TOP1: variants seen among roughly 807,000 people sequenced by gnomAD.
The protein encoded by TOP1 is DNA topoisomerase I, also known as DNA topoisomerase 1.
TOP1 carries 10 observed loss-of-function variants against 111.1 expected under a neutral mutation model. The ratio of observed to expected loss-of-function variants is 0.09; its 90% CI spans 0.06 to 0.15. The LOEUF (loss-of-function observed/expected upper bound fraction) is 0.15, where lower values mean the gene tolerates loss of function less well. Among genes scored for constraint, TOP1 ranks in the 10% least tolerant of loss-of-function variants. The probability of loss-of-function intolerance (pLI) is 1.00; values close to 1 mark genes in which losing one functional copy is unlikely to be tolerated. For synonymous variants in TOP1, 271 were observed against 302.9 expected (o/e 0.89, Z 1.10); for missense variants, 474 against 926.7 (o/e 0.51, Z 6.34).
rs1324859295 is a variant in TOP1, at chr20:41,101,663, G to T, written c.1308+310G>T. Among the ~76,000 whole-genome samples the T allele has an allele frequency of 6.6e-6, 1 of 152,230 alleles. No homozygotes were observed. ...TAGACGTAGGCCCTGCCTTCATATT[G>T]CTTAACGTCCAGTGGTCAGAATGTG... On this transcript the variant is annotated intron_variant, in intron 13 of 20. Transcript: ENST00000361337. The surrounding 1 kb of genome is among the most constrained non-coding windows in gnomAD (Gnocchi z 4.1).
chr20:41,074,505 A>C (rs2033702974), intron 3 of TOP1, among the ~76,000 whole-genome samples: 1 of 151,174 alleles, frequency 6.6e-6, no homozygotes, highest in East Asian at 2.0e-4. Context: ...TTTTTTCTCC[A>C]TCTATTTCAA....
intron 13 of TOP1, among the ~76,000 whole-genome samples, chr20:41,103,128 A>G (rs73909147): frequency 0.021 from 3,226 of 152,312 alleles, 106 homozygotes; most frequent in African/African-American, 0.073. Context: ...AATGGTATCA[A>G]TGCATATTTT....
At chr20:41,076,132 C>G (rs936584013) in intron 3 of TOP1, 39 bp from the exon 4 acceptor site, 20 of 1,582,734 alleles carry the variant, frequency 1.3e-5, no homozygotes, top group Non-Finnish European at 1.5e-5. Context: ...CTTGTGGTCC[C>G]TACTCTGGGC....
chr20:41,036,635 T>TA (rs2033188939), intron 2 of TOP1, among the ~76,000 whole-genome samples: 1 of 152,060 alleles, frequency 6.6e-6, no homozygotes. Flanking sequence ...TATTCCCTGT[T>TA]AAAGTTTTAA....
rs1026390655 is a variant in TOP1, at chr20:41,034,539, G to C, written c.58+5084G>C. 1.3e-5 allele frequency among the ~76,000 whole-genome samples: 2 copies of C among 152,200 alleles called. No homozygotes were observed. Among genetic ancestry groups the C allele is most frequent in the Non-Finnish European group, 2.9e-5 (2 of 68,032 alleles). On this transcript the variant is annotated intron_variant, in intron 2 of 20. Transcript: ENST00000361337. The surrounding 1 kb of genome is among the most constrained non-coding windows in gnomAD (Gnocchi z 4.0). ...GGACAAAGTTTGATTGGGGGTTGCGGGGAAGCTTGTAGAGGAATGTCTGTT... is the reference window on the plus strand; with the variant it reads ...GGACAAAGTTTGATTGGGGGTTGCGCGGAAGCTTGTAGAGGAATGTCTGTT...
At chr20:41,077,079 TTTTG>T (rs914368981) in intron 4 of TOP1, among the ~76,000 whole-genome samples, 6 of 152,076 alleles carry the variant, frequency 3.9e-5, no homozygotes, top group African/African-American at 9.7e-5. Flanking sequence ...TAGACTACTT[TTTTG>T]TTTGTTTGTT....
In TOP1 at chr20:41,121,543, T is replaced by TC. The variant is rs1402689993; in HGVS notation, c.1951-152dup. On this transcript the variant is annotated intron_variant, in intron 18 of 20. Transcript: ENST00000361337. The surrounding 1 kb of genome is among the most constrained non-coding windows in gnomAD (Gnocchi z 4.2). ...TGAATTCACTAGTCCTTGTGCATCTTCTCCCTGCCTTCATGAAGCCACCCT... is the reference window on the plus strand; with the variant it reads ...TGAATTCACTAGTCCTTGTGCATCTTCCTCCCTGCCTTCATGAAGCCACCCT... 3.3e-5 allele frequency among the ~76,000 whole-genome samples: 5 copies of TC among 152,036 alleles called. No individual in the cohort carries two copies. Among genetic ancestry groups the TC allele is most frequent in the Non-Finnish European group, 7.4e-5 (5 of 68,016 alleles).
intron 8 of TOP1, among the ~76,000 whole-genome samples, chr20:41,088,815 A>G (rs1397430753): frequency 6.6e-6 from 1 of 152,136 alleles, no homozygotes; most frequent in African/African-American, 2.4e-5. Context: ...TTTGAGGTCT[A>G]AGATTCTGTT....
chr20:41,074,367 T>A (rs978279275), intron 3 of TOP1, among the ~76,000 whole-genome samples: 6 of 152,160 alleles, frequency 3.9e-5, no homozygotes, highest in African/African-American at 1.4e-4. Context: ...TTCTCATGAG[T>A]TAAAAAGAAT....
Position 41,071,940 on chromosome 20 carries a change from A to T in TOP1, c.156-4231A>T, listed in dbSNP as rs2033673755. On this transcript the variant is annotated intron_variant, in intron 3 of 20. Coordinates refer to ENST00000361337, the MANE Select transcript of TOP1 (RefSeq NM_003286.4). This position sits in a 1 kb window ranked among gnomAD's most constrained non-coding sequence, Gnocchi z 4.3. ...CCATTGCAGAAGTTCTAGGACTGCT[A>T]CTGTCTGTATTTTTGTCCTTCAGCA... Among the ~76,000 whole-genome samples, 1 of 152,200 alleles carries T rather than the reference A, an allele frequency of 6.6e-6. No individual in the cohort carries two copies. Among genetic ancestry groups the T allele is most frequent in the Admixed American group, 6.5e-5 (1 of 15,288 alleles).
chr20:41,070,331 A>G (rs2033655817), intron 3 of TOP1, among the ~76,000 whole-genome samples: 2 of 152,326 alleles, frequency 1.3e-5, no homozygotes, highest in South Asian at 4.1e-4. Flanking sequence ...ACAAAGGATT[A>G]AATAATTTCT....
In TOP1 at chr20:41,097,320, T is replaced by C. The variant is rs568500077; in HGVS notation, c.831T>C (p.Asn277=). Residue 277 remains asparagine, a synonymous_variant, in exon 10 of 21, where the codon AAT becomes AAC. Coordinates refer to ENST00000361337, the MANE Select transcript of TOP1 (RefSeq NM_003286.4). The surrounding 1 kb of genome is among the most constrained non-coding windows in gnomAD (Gnocchi z 4.2). ...EYTTKEIFRK[N]FFKDWRKEMT... ...CTACCAAGGAAATATTTAGGAAAAA[T>C]TTCTTTAAAGACTGGAGAAAGGTAC... 6.2e-7 allele frequency: 1 copy of C among 1,613,746 alleles called. No homozygotes were observed. Among genetic ancestry groups the C allele is most frequent in the South Asian group, 1.1e-5 (1 of 91,034 alleles).
rs2033129094 is a variant in TOP1 at position 41,032,212 on chromosome 20, C to A, written c.58+2757C>A. 6.6e-6 allele frequency among the ~76,000 whole-genome samples: 1 copy of A among 152,122 alleles called. No homozygotes were observed. Among genetic ancestry groups the A allele is most frequent in the Non-Finnish European group, 1.5e-5 (1 of 68,030 alleles). On this transcript the variant is annotated intron_variant, in intron 2 of 20. Transcript: ENST00000361337. This position sits in a 1 kb window ranked among gnomAD's most constrained non-coding sequence, Gnocchi z 4.3. ...AATCAAACGTCTCTCATTTTGCCTG[C>A]CCTCATCCCCTAAGATATAAAAGAT...
In TOP1 at chr20:41,102,412, C is replaced by A. The variant is rs1261208481; in HGVS notation, c.1308+1059C>A. 1.3e-5 allele frequency among the ~76,000 whole-genome samples: 2 copies of A among 152,154 alleles called. No individual in the cohort carries two copies. The highest frequency in any genetic ancestry group is 6.5e-5 in the Admixed American group (1 of 15,272). ...ATCACCTGAGGTCAGGAGTTCGAGA[C>A]CAGCCTGGACAACATGGCGAAACCC... On this transcript the variant is annotated intron_variant, in intron 13 of 20. Coordinates refer to ENST00000361337, the MANE Select transcript of TOP1 (RefSeq NM_003286.4). The surrounding 1 kb of genome is among the most constrained non-coding windows in gnomAD (Gnocchi z 4.0).
At chr20:41,047,960 T>G (rs1288874205) in intron 2 of TOP1, among the ~76,000 whole-genome samples, 1 of 152,126 alleles carries the variant, frequency 6.6e-6, no homozygotes, top group African/African-American at 2.4e-5. Context: ...CCTTATTATC[T>G]AAGTTAGAGT....
intron 2 of TOP1, among the ~76,000 whole-genome samples, chr20:41,042,477 A>G (rs891657433): frequency 1.5e-4 from 23 of 152,310 alleles, no homozygotes; most frequent in African/African-American, 5.5e-4. Flanking sequence ...GTTTGTTTTC[A>G]TACTAATACT....
At chr20:41,060,601 GTC>G (rs1177222516) in intron 2 of TOP1, among the ~76,000 whole-genome samples, 1 of 152,094 alleles carries the variant, frequency 6.6e-6, no homozygotes, top group Non-Finnish European at 1.5e-5. Flanking sequence ...ACCTGTGGGT[GTC>G]TTTGAAATGT....
At chr20:41,099,542 A>G (rs554781513) in intron 11 of TOP1, among the ~76,000 whole-genome samples, 1 of 152,218 alleles carries the variant, frequency 6.6e-6, no homozygotes, top group Non-Finnish European at 1.5e-5. Context: ...AATCTCCCCC[A>G]CCATCCCTCA....
intron 2 of TOP1, among the ~76,000 whole-genome samples, chr20:41,050,661 A>G (rs1412638306): frequency 1.3e-5 from 2 of 152,210 alleles, no homozygotes; most frequent in Admixed American, 1.3e-4. Context: ...CAGTTGGGGA[A>G]TACTTGTTTT....
Sources: gnomAD v4.1 joint callset for allele counts (sites outside exome capture counted in the v4.1 genomes callset) on GRCh38, gnomAD v4.1.1 for gene constraint, Gnocchi (gnomAD v3.1) non-coding constraint, MANE v1.5 for transcripts, NCBI Gene and HGNC (gene_info 2026-07-23, HGNC 2026-07-21) for gene names.